The following SDHC variants were observed in gnomAD, a reference collection of about 807,000 sequenced individuals.
The protein encoded by SDHC is succinate dehydrogenase cytochrome b560 subunit, mitochondrial.
A neutral mutation model predicts 22.6 loss-of-function variants in SDHC; 11 were observed. That is an observed-to-expected ratio of 0.49 (90% CI 0.31 to 0.81). SDHC has a LOEUF of 0.81. Among genes scored for constraint, SDHC ranks in the 30% least tolerant of loss-of-function variants. SDHC has a pLI of 0.05. For synonymous variants in SDHC, 80 were observed against 77.8 expected (o/e 1.03, Z -0.15); for missense variants, 160 against 212.0 (o/e 0.75, Z 1.52).
chr1:161,354,705 G>C (rs994029650), intron 4 of SDHC, among the ~76,000 whole-genome samples: 2 of 119,272 alleles, frequency 1.7e-5, no homozygotes, highest in African/African-American at 7.0e-5. Context: ...GTGTGTGTGT[G>C]TGTGTTTTGT....
chr1:161,345,181 T>C (rs540738048), intron 4 of SDHC, among the ~76,000 whole-genome samples: 27 of 152,362 alleles, frequency 1.8e-4, no homozygotes, highest in African/African-American at 5.8e-4. Flanking sequence ...TTTGAACTCA[T>C]TGGAACAGGC....
chr1:161,331,335 T>C lies in SDHC; in HGVS notation c.179+2838T>C, dbSNP rs534200475. Among the ~76,000 whole-genome samples the C allele has an allele frequency of 3.0e-4, 45 of 151,940 alleles. No homozygotes were observed. In the East Asian group the frequency reaches 3.3e-3, roughly 11 times the overall value. ...CAGGCTGGAGTGCAGTGGCACGATC[T>C]GGGCTCATTGCAACCTCCGCCTCCC... On this transcript the variant is annotated intron_variant, in intron 3 of 5. Coordinates refer to ENST00000367975, the MANE Select transcript of SDHC (RefSeq NM_003001.5).
chr1:161,356,893 G>A, intron 5 of SDHC, 53 bp downstream of exon 5: 1 of 1,560,790 alleles, frequency 6.4e-7, no homozygotes, highest in African/African-American at 1.4e-5. Context: ...TGGGGAGACT[G>A]GGAGGATTCT....
At chr1:161,328,763 A>G (rs1370328233) in intron 3 of SDHC, among the ~76,000 whole-genome samples, 1 of 152,252 alleles carries the variant, frequency 6.6e-6, no homozygotes, top group African/African-American at 2.4e-5. Context: ...AAGTCAAAAT[A>G]TAATTCCCAT....
intron 3 of SDHC, among the ~76,000 whole-genome samples, chr1:161,331,852 C>T (rs965738094): frequency 6.6e-6 from 1 of 152,192 alleles, no homozygotes; most frequent in Non-Finnish European, 1.5e-5. Context: ...GCCCTGGCCT[C>T]CCAAAGTGCT....
intron 4 of SDHC, among the ~76,000 whole-genome samples, chr1:161,345,658 A>G (rs935394740): frequency 1.3e-5 from 2 of 151,886 alleles, no homozygotes; most frequent in Non-Finnish European, 2.9e-5. Context: ...GGGTTTCACC[A>G]TGTTAGCCAG....
At chr1:161,316,632 A>T (rs763181307) in intron 1 of SDHC, among the ~76,000 whole-genome samples, 5 of 152,350 alleles carry the variant, frequency 3.3e-5, no homozygotes, top group Middle Eastern at 3.4e-3. Flanking sequence ...ATGCCAAGAA[A>T]GGTATATTTT....
In SDHC at chr1:161,323,266, G is replaced by C. The variant is rs1483659539; in HGVS notation, c.21-348G>C. ...GTCCGCCTCGGCCTCCCAAAGTGCT[G>C]GGATTACAGGTGTGAGCCAGCGCGC... On this transcript the variant is annotated intron_variant, in intron 1 of 5. Coordinates refer to ENST00000367975, the MANE Select transcript of SDHC (RefSeq NM_003001.5). Among the ~76,000 whole-genome samples the C allele has an allele frequency of 5.3e-5, 8 of 152,012 alleles. No individual in the cohort carries two copies. The East Asian group carries it at 1.5e-3, about 29-fold the overall frequency.
chr1:161,318,862 C>T (rs141173331), intron 1 of SDHC, among the ~76,000 whole-genome samples: 2,646 of 151,722 alleles, frequency 0.017, 138 homozygotes, highest in Admixed American at 0.1. Flanking sequence ...GGAGAAACCT[C>T]GTCTCTACTA....
intron 1 of SDHC, among the ~76,000 whole-genome samples, chr1:161,317,233 T>G (rs1277872253): frequency 1.3e-5 from 2 of 152,094 alleles, no homozygotes; most frequent in Non-Finnish European, 2.9e-5. Flanking sequence ...TTTCACCATC[T>G]TGGCCAGGCT....
At chr1:161,334,437 G>A (rs757406920) in intron 3 of SDHC, among the ~76,000 whole-genome samples, 1 of 151,912 alleles carries the variant, frequency 6.6e-6, no homozygotes, top group Non-Finnish European at 1.5e-5. Flanking sequence ...ACAGGGTCTC[G>A]CTGTGTTGCC....
chr1:161,352,245 G>T (rs1177550469), intron 4 of SDHC, among the ~76,000 whole-genome samples: 1 of 152,162 alleles, frequency 6.6e-6, no homozygotes, highest in Non-Finnish European at 1.5e-5. Flanking sequence ...AGTGATGAAA[G>T]CTTTGGCTAA....
intron 2 of SDHC, 72 bp from the exon 3 acceptor site, chr1:161,328,324 A>G (rs1348602787): frequency 7.2e-6 from 9 of 1,248,468 alleles, no homozygotes; most frequent in Non-Finnish European, 9.4e-6. Flanking sequence ...ATATTGACTT[A>G]ATAAAACGTT....
chr1:161,321,016 G>A (rs1282540849), intron 1 of SDHC, among the ~76,000 whole-genome samples: 2 of 151,984 alleles, frequency 1.3e-5, no homozygotes, highest in African/African-American at 2.4e-5. Flanking sequence ...TAATAGAGAC[G>A]GGGTTTCATC....
At chr1:161,359,616 T>TA (rs1302215630) in intron 5 of SDHC, among the ~76,000 whole-genome samples, 1 of 152,232 alleles carries the variant, frequency 6.6e-6, no homozygotes, top group African/African-American at 2.4e-5. Flanking sequence ...TTGCAGAACT[T>TA]AGAGCTTTTC....
intron 4 of SDHC, among the ~76,000 whole-genome samples, chr1:161,349,867 A>G (rs1252003190): frequency 1.3e-5 from 2 of 152,136 alleles, no homozygotes; most frequent in Non-Finnish European, 2.9e-5. Context: ...AAGCCTCAGT[A>G]TTTTTGTCCA....
intron 4 of SDHC, among the ~76,000 whole-genome samples, chr1:161,342,261 TC>T (rs1671746682): frequency 6.6e-6 from 1 of 152,200 alleles, no homozygotes; most frequent in Non-Finnish European, 1.5e-5. Flanking sequence ...TTGTGTTCTC[TC>T]CCAGCGAAGG....
In SDHC at chr1:161,330,200, C is replaced by T. The variant is rs187880827; in HGVS notation, c.179+1703C>T. Among the ~76,000 whole-genome samples, 198 of 152,248 alleles carry T rather than the reference C, an allele frequency of 1.3e-3. 1 individual carries two copies. The highest frequency in any genetic ancestry group is 2.3e-3 in the Non-Finnish European group (158 of 68,008). On this transcript the variant is annotated intron_variant, in intron 3 of 5. Coordinates refer to ENST00000367975, the MANE Select transcript of SDHC (RefSeq NM_003001.5). ...ATCGCGGTGGCCCCAAAAGTTTCAA[C>T]CTACTGTAGCCTCATCTCAAAGTCT... is the stretch of plus-strand genomic sequence containing the variant.
At chr1:161,356,473 A>G (rs1672275918) in intron 4 of SDHC, among the ~76,000 whole-genome samples, 1 of 152,162 alleles carries the variant, frequency 6.6e-6, no homozygotes, top group Admixed American at 6.5e-5. Context: ...TGGGAGGTGG[A>G]GGTTGCAGTG....
Sources: allele counts gnomAD v4.1 joint callset (sites outside exome capture counted in the v4.1 genomes callset), GRCh38; gene constraint gnomAD v4.1.1; transcripts MANE v1.5; gene names NCBI Gene and HGNC (gene_info 2026-07-23, HGNC 2026-07-21).